ETS2: variants seen among roughly 807,000 people sequenced by gnomAD.
ETS2 encodes the protein ETS proto-oncogene 2, transcription factor.
A neutral mutation model predicts 54.9 loss-of-function variants in ETS2; 19 were observed. That is an observed-to-expected ratio of 0.35 (90% CI 0.24 to 0.51). The LOEUF is 0.51. ETS2 is among the 20% of genes least tolerant of loss of function. The pLI is 0.97. For synonymous variants in ETS2, 219 were observed against 229.3 expected (o/e 0.95, Z 0.41); for missense variants, 417 against 593.0 (o/e 0.70, Z 3.08).
chr21:38,813,104 C>T lies in ETS2; in HGVS notation c.174C>T (p.Ser58=), dbSNP rs2123412685. ...TLQEVPTGLD[S]ISHDSANCEL... The stretch of plus-strand genomic sequence containing the variant: ...AAGAAGTGCCAACAGGCTTGGATTC[C>T]ATTTCTCATGGTAATTGGTTCCTCA... Residue 58 remains serine (S), a synonymous_variant, in exon 3 of 10, where the codon TCC becomes TCT. Transcript: ENST00000360938. 10 of 1,606,808 alleles carry T rather than the reference C, an allele frequency of 6.2e-6. No individual in the cohort carries two copies. The highest frequency in any genetic ancestry group is 8.5e-6 in the Non-Finnish European group (10 of 1,173,298).
chr21:38,819,905 G>C (rs1000736579), intron 8 of ETS2, 139 bp downstream of exon 8: 2 of 804,512 alleles, frequency 2.5e-6, no homozygotes, highest in South Asian at 1.8e-5. Flanking sequence ...TGTTTTATGC[G>C]TGGCTTGCTG....
At chr21:38,813,329 A>G (rs547176628) in intron 3 of ETS2, among the ~76,000 whole-genome samples, 1 of 152,282 alleles carries the variant, frequency 6.6e-6, no homozygotes, top group African/African-American at 2.4e-5. Context: ...GACGCCCCCC[A>G]GTGAGCCGCT....
At chr21:38,813,830 G>A (rs1340241009) in intron 3 of ETS2, among the ~76,000 whole-genome samples, 1 of 152,196 alleles carries the variant, frequency 6.6e-6, no homozygotes, top group Admixed American at 6.5e-5. Flanking sequence ...AAAATGGAAG[G>A]TGTGGTTCCA....
At chr21:38,812,609 T>C (rs2060917936) in intron 2 of ETS2, among the ~76,000 whole-genome samples, 2 of 152,114 alleles carry the variant, frequency 1.3e-5, no homozygotes, top group South Asian at 4.1e-4. Flanking sequence ...GGTGAAACCC[T>C]GTCTGTACTA....
Position 38,806,214 on chromosome 21 carries a change from C to T in ETS2, c.-1+94C>T. 1 of 991,518 alleles carries T rather than the reference C, an allele frequency of 1.0e-6. No homozygotes were observed. The highest frequency in any genetic ancestry group is 1.7e-5 in the African/African-American group (1 of 57,244). The allele number at this position is 991,518 out of a possible 1,614,324, so 61.4% of individuals were successfully genotyped here. A position where few individuals can be genotyped will look rare whatever the true frequency, so the allele number is the denominator to read the frequency against. On this transcript the variant is annotated intron_variant, in intron 1 of 9. Transcript: ENST00000360938. The surrounding 1 kb of genome is among the most constrained non-coding windows in gnomAD (Gnocchi z 4.3). ...GGGCGGGGGTCGCGGGGGGCACTGACACGCAGATCTCGGGGCGCTGCCGGG... is the reference window on the plus strand; with the variant it reads ...GGGCGGGGGTCGCGGGGGGCACTGATACGCAGATCTCGGGGCGCTGCCGGG...
At chr21:38,805,600 C>A, upstream of ETS2, 1 of 1,263,694 alleles carries the variant, frequency 7.9e-7, no homozygotes, top group Non-Finnish European at 1.0e-6. This position sits in a 1 kb window ranked among gnomAD's most constrained non-coding sequence, Gnocchi z 5.2. Flanking sequence ...CGAGTGACAG[C>A]AGGAGGCGGA....
At position 38,807,270 on chromosome 21, in the gene ETS2, G is replaced by A. The variant is rs185704704; in HGVS notation, c.-1+1150G>A. ...CTTCAAATGTGTGTTACAAGGTTGT[G>A]TTGTTTCTTTTTTTTGTTTGTTTTC... On this transcript the variant is annotated intron_variant, in intron 1 of 9. Coordinates refer to ENST00000360938, the MANE Select transcript of ETS2 (RefSeq NM_005239.6). 8.0e-4 allele frequency among the ~76,000 whole-genome samples: 122 copies of A among 152,220 alleles called. 1 individual carries two copies. Among genetic ancestry groups the A allele is most frequent in the African/African-American group, 2.8e-3 (118 of 41,536 alleles).
chr21:38,822,031 C>T (rs894868946), intron 9 of ETS2, among the ~76,000 whole-genome samples: 3 of 152,164 alleles, frequency 2.0e-5, no homozygotes, highest in Non-Finnish European at 4.4e-5. Flanking sequence ...CCTTGTCCAT[C>T]GGGGGAACAA....
Position 38,818,434 on chromosome 21 carries a change from C to T in ETS2, c.599C>T (p.Thr200Ile). 4 of 1,614,106 alleles carry T rather than the reference C, an allele frequency of 2.5e-6. No individual in the cohort carries two copies. The highest frequency in any genetic ancestry group is 3.4e-6 in the Non-Finnish European group (4 of 1,180,026). ...GATTGTTCTGTTCCAGGTTTTGGCA[C>T]AGAGCAGGCGCCCTATGGAATGCAG... ...WINSNTLGFG[T>I]EQAPYGMQTQ... Residue 200 changes from threonine to isoleucine, a missense_variant, in exon 7 of 10, where the codon ACA becomes ATA. Thr to Ile is a moderately conservative substitution (Grantham distance 89, BLOSUM62 -1). Transcript: ENST00000360938.
intron 1 of ETS2, among the ~76,000 whole-genome samples, chr21:38,807,841 C>T (rs1054699264): frequency 9.9e-5 from 15 of 152,128 alleles, no homozygotes; most frequent in African/African-American, 3.6e-4. Flanking sequence ...AAGAGCTGAC[C>T]CATCCGGCTC....
upstream of ETS2, chr21:38,805,568 G>A (rs1433212713): frequency 1.6e-6 from 2 of 1,279,956 alleles, no homozygotes; most frequent in Non-Finnish European, 2.0e-6. This position sits in a 1 kb window ranked among gnomAD's most constrained non-coding sequence, Gnocchi z 5.2. Context: ...GGGCCTCAGG[G>A]CCAGCCGGCG....
Position 38,821,569 on chromosome 21 carries a change from CCT to C in ETS2, c.1076-15_1076-14del. The C allele has an allele frequency of 6.5e-7, 1 of 1,541,614 alleles. No homozygotes were observed. Among genetic ancestry groups the C allele is most frequent in the Non-Finnish European group, 9.0e-7 (1 of 1,113,806 alleles). On this transcript the variant is annotated splice_polypyrimidine_tract_variant and intron_variant, in intron 8 of 9. Coordinates refer to ENST00000360938, the MANE Select transcript of ETS2 (RefSeq NM_005239.6). This position sits in a 1 kb window ranked among gnomAD's most constrained non-coding sequence, Gnocchi z 4.2. ...TCTGTGAAAGGGTATGATCCGTCTC[CCT>C]CCCTCTCCCCGCAGGAAGTGGACCT... is the stretch of plus-strand genomic sequence containing the variant.
At chr21:38,807,283 T>G (rs1405069132) in intron 1 of ETS2, among the ~76,000 whole-genome samples, 2 of 152,242 alleles carry the variant, frequency 1.3e-5, no homozygotes, top group Non-Finnish European at 2.9e-5. Context: ...GTTTCTTTTT[T>G]TTGTTTGTTT....
At chr21:38,819,128 G>A (rs180829823) in intron 7 of ETS2, among the ~76,000 whole-genome samples, 2 of 152,116 alleles carry the variant, frequency 1.3e-5, no homozygotes, top group Non-Finnish European at 1.5e-5. Flanking sequence ...TTATCATTAC[G>A]GATTAGGTTT....
chr21:38,810,125 A>ATT lies in ETS2; in HGVS notation c.72+29_72+30dup. ...ACTCAAGGTGAGTGGGCAAGTCTTA[A>ATT]TTTTTTTTTTTAATTGGAAAACTCG... On this transcript the variant is annotated intron_variant, in intron 2 of 9. Coordinates refer to ENST00000360938, the MANE Select transcript of ETS2 (RefSeq NM_005239.6). 48 of 1,277,560 alleles carry ATT rather than the reference A, an allele frequency of 3.8e-5. No individual in the cohort carries two copies. The highest frequency in any genetic ancestry group is 1.1e-4 in the South Asian group (7 of 62,618). 79.1% of individuals were successfully genotyped at this position (1,277,560 alleles called of 1,614,324 possible). A position where few individuals can be genotyped will look rare whatever the true frequency, so the allele number is the denominator to read the frequency against.
intron 1 of ETS2, 169 bp from the exon 2 acceptor site, chr21:38,809,866 C>T (rs2060907185): frequency 1.8e-6 from 1 of 549,802 alleles, no homozygotes; most frequent in Admixed American, 4.2e-5. Flanking sequence ...AAATGCTTTC[C>T]TCTTGAGACC....
chr21:38,817,552 G>A (rs759713321), intron 6 of ETS2, among the ~76,000 whole-genome samples: 1 of 152,222 alleles, frequency 6.6e-6, no homozygotes, highest in Non-Finnish European at 1.5e-5. Flanking sequence ...AGAACGAAGT[G>A]AGCTGATTAC....
rs900687151 is a variant in ETS2 at position 38,821,420 on chromosome 21, T to C, written c.1076-166T>C. Among the ~76,000 whole-genome samples, 4 of 152,194 alleles carry C rather than the reference T, an allele frequency of 2.6e-5. No homozygotes were observed. The highest frequency in any genetic ancestry group is 2.6e-4 in the Admixed American group (4 of 15,284). ...CGCCCCATCCCGTTAAAGCACTTAG[T>C]ACTGTCACCAACACCTTGAGTGCCA... On this transcript the variant is annotated intron_variant, in intron 8 of 9. Transcript: ENST00000360938. The surrounding 1 kb of genome is among the most constrained non-coding windows in gnomAD (Gnocchi z 4.2).
intron 9 of ETS2, 63 bp from the exon 10 acceptor site, chr21:38,822,611 G>C: frequency 1.4e-6 from 2 of 1,382,760 alleles, no homozygotes; most frequent in South Asian, 2.5e-5. Context: ...AGGGAGGAAT[G>C]TCATTCACTT....
Sources: gnomAD v4.1 joint callset for allele counts (sites outside exome capture counted in the v4.1 genomes callset) on GRCh38, gnomAD v4.1.1 for gene constraint, Gnocchi (gnomAD v3.1) non-coding constraint, MANE v1.5 for transcripts, NCBI Gene and HGNC (gene_info 2026-07-23, HGNC 2026-07-21) for gene names.